Variants in DOCK7 observed in about 807,000 individuals in gnomAD.
DOCK7 encodes the protein dedicator of cytokinesis protein 7.
In DOCK7, 138 loss-of-function variants were observed where a neutral mutation model predicts 271.0. That is an observed-to-expected ratio of 0.51 (90% confidence interval 0.44 to 0.59). The LOEUF is 0.59. Ranked by LOEUF, DOCK7 falls within the 20% of genes least tolerant of loss-of-function variation. The pLI is 0.00. For synonymous variants in DOCK7, 823 were observed against 876.1 expected (o/e 0.94, Z 1.07); for missense variants, 2,066 against 2,592.4 (o/e 0.80, Z 4.41).
chr1:62,603,972 A>C, intron 14 of DOCK7: 1 of 1,612,654 alleles, frequency 6.2e-7, no homozygotes, highest in African/African-American at 1.3e-5. Flanking sequence ...TTTTCAGGAG[A>C]ATTTTGGTTG....
At chr1:62,513,671 T>C (rs1485539271) in intron 32 of DOCK7, 45 bp downstream of exon 32, 15 of 1,605,694 alleles carry the variant, frequency 9.3e-6, no homozygotes, top group Non-Finnish European at 1.1e-5. Flanking sequence ...TTCCACATTA[T>C]GTTTCTCCTT....
chr1:62,542,286 C>T (rs539102167), intron 25 of DOCK7, among the ~76,000 whole-genome samples: 2 of 152,140 alleles, frequency 1.3e-5, no homozygotes, highest in Non-Finnish European at 2.9e-5. Context: ...GGTATAAAAT[C>T]TACAATACTG....
intron 31 of DOCK7, among the ~76,000 whole-genome samples, chr1:62,520,961 A>G (rs1644829820): frequency 6.6e-6 from 1 of 152,194 alleles, no homozygotes; most frequent in Non-Finnish European, 1.5e-5. Context: ...AGGGACATGG[A>G]TGAAGCTGGA....
intron 37 of DOCK7, among the ~76,000 whole-genome samples, chr1:62,502,212 GT>G (rs1283711984): frequency 6.6e-6 from 1 of 151,996 alleles, no homozygotes; most frequent in African/African-American, 2.4e-5. Flanking sequence ...AAATTGGAAA[GT>G]TTTTTTCTTG....
Position 62,597,951 on chromosome 1 carries a change from G to A in DOCK7, c.1683-11327C>T, listed in dbSNP as rs200785483. On this transcript the variant is annotated intron_variant, in intron 14 of 49. Transcript: ENST00000635253. Reference sequence around the variant, plus strand: ...CAACTCAAAACTTGAAAGCCTCCTAGAAGAAAAAATTCTACTTCAACAAAA... The same window carrying A: ...CAACTCAAAACTTGAAAGCCTCCTAAAAGAAAAAATTCTACTTCAACAAAA... 6.4e-6 allele frequency: 10 copies of A among 1,552,622 alleles called. No homozygotes were observed. In the South Asian group the frequency reaches 1.0e-4, roughly 16 times the overall value.
intron 31 of DOCK7, among the ~76,000 whole-genome samples, chr1:62,521,188 A>G (rs1396102430): frequency 2.0e-5 from 3 of 152,250 alleles, no homozygotes; most frequent in South Asian, 2.1e-4. Context: ...CCACCACGGC[A>G]TGTGTATACC....
intron 1 of DOCK7, among the ~76,000 whole-genome samples, chr1:62,666,453 T>A (rs970435289): frequency 6.6e-6 from 1 of 152,164 alleles, no homozygotes; most frequent in Non-Finnish European, 1.5e-5. Context: ...TGAAAATAAG[T>A]TGTGATAATG....
At chr1:62,512,512 C>T (rs1361355920) in intron 33 of DOCK7, among the ~76,000 whole-genome samples, 1 of 152,082 alleles carries the variant, frequency 6.6e-6, no homozygotes, top group Non-Finnish European at 1.5e-5. Flanking sequence ...GATTAGAAAA[C>T]CAGTCTCAAA....
chr1:62,514,143 A>G (rs1396877717), intron 31 of DOCK7, among the ~76,000 whole-genome samples: 1 of 152,172 alleles, frequency 6.6e-6, no homozygotes, highest in Non-Finnish European at 1.5e-5. Context: ...CATGACTGCC[A>G]GCAGGGGATA....
At chr1:62,505,883 C>A in intron 35 of DOCK7, 67 bp from the exon 36 acceptor site, 1 of 1,495,974 alleles carries the variant, frequency 6.7e-7, no homozygotes, top group Non-Finnish European at 9.0e-7. Context: ...TGTTACAGGC[C>A]TCCCTATGTA....
intron 7 of DOCK7, among the ~76,000 whole-genome samples, chr1:62,642,779 T>C (rs1481626397): frequency 6.6e-6 from 1 of 152,214 alleles, no homozygotes; most frequent in African/African-American, 2.4e-5. Flanking sequence ...CTTCCTGAAG[T>C]AATTCCTTTA....
At chr1:62,592,921 C>T (rs543083399) in intron 14 of DOCK7, among the ~76,000 whole-genome samples, 2 of 152,180 alleles carry the variant, frequency 1.3e-5, no homozygotes, top group African/African-American at 4.8e-5. Context: ...CATACATCAC[C>T]ACCATAAAAG....
At chr1:62,528,624 G>C (rs957740598) in intron 30 of DOCK7, among the ~76,000 whole-genome samples, 8 of 152,086 alleles carry the variant, frequency 5.3e-5, no homozygotes, top group Non-Finnish European at 7.4e-5. Flanking sequence ...CAAATAGCTG[G>C]TTATCTTTGC....
At chr1:62,504,538 A>C in intron 37 of DOCK7, 92 bp downstream of exon 37, 1 of 1,335,144 alleles carries the variant, frequency 7.5e-7, no homozygotes, top group Non-Finnish European at 1.0e-6. Context: ...TATACAAAAA[A>C]CTCCATGCTC....
intron 7 of DOCK7, among the ~76,000 whole-genome samples, chr1:62,643,822 A>C (rs1464850885): frequency 6.6e-6 from 1 of 151,942 alleles, no homozygotes; most frequent in African/African-American, 2.4e-5. Flanking sequence ...AAATTTGTTC[A>C]GTTTTATCAT....
In DOCK7 at chr1:62,543,554, A is replaced by G. The variant is rs139908144; in HGVS notation, c.2949+102T>C. The stretch of plus-strand genomic sequence containing the variant: ...CAGATATATTTTTAAGCACAATGCA[A>G]TTACTGTAAGTATCTCATACTGGTT... On this transcript the variant is annotated intron_variant, in intron 24 of 49. Coordinates refer to ENST00000635253, the MANE Select transcript of DOCK7 (RefSeq NM_001367561.1). 7.3e-4 allele frequency: 581 copies of G among 797,986 alleles called. 7 individuals are homozygous for G. In the African/African-American group the frequency reaches 8.2e-3, roughly 11 times the overall value. 49.4% of individuals were successfully genotyped at this position (797,986 alleles called of 1,614,324 possible). A position where few individuals can be genotyped will look rare whatever the true frequency, so the allele number is the denominator to read the frequency against.
chr1:62,683,216 T>A (rs1488119804), intron 1 of DOCK7, among the ~76,000 whole-genome samples: 3 of 152,212 alleles, frequency 2.0e-5, no homozygotes, highest in Admixed American at 1.3e-4. Context: ...GCAGGTTAGA[T>A]ATTCAGCATT....
chr1:62,668,270 G>A (rs2149733161), intron 1 of DOCK7, among the ~76,000 whole-genome samples: 1 of 152,262 alleles, frequency 6.6e-6, no homozygotes, highest in Non-Finnish European at 1.5e-5. Flanking sequence ...GGTCAATGTG[G>A]TGGATAAATT....
intron 18 of DOCK7, among the ~76,000 whole-genome samples, chr1:62,569,839 T>C (rs544944515): frequency 6.3e-4 from 95 of 151,608 alleles, no homozygotes; most frequent in African/African-American, 2.1e-3. Flanking sequence ...TCAGCCTCTC[T>C]AGTAGCTGGG....
Sources: allele counts gnomAD v4.1 joint callset (sites outside exome capture counted in the v4.1 genomes callset), GRCh38; gene constraint gnomAD v4.1.1; transcripts MANE v1.5; gene names NCBI Gene and HGNC (gene_info 2026-07-23, HGNC 2026-07-21).